KSR2: variants seen among roughly 807,000 people sequenced by gnomAD.
The protein encoded by KSR2 is kinase suppressor of ras 2.
Under a neutral mutation model 107.8 loss-of-function variants are expected in KSR2, and 25 were observed. The observed-to-expected ratio is 0.23, with a 90% CI of 0.17 to 0.32. KSR2 has a LOEUF of 0.32. KSR2 is among the 10% of genes least tolerant of loss of function. The pLI is 1.00. For missense variants in KSR2, 887 were observed against 1,268.9 expected (o/e 0.70, Z 4.57); for synonymous variants, 480 against 507.0 (o/e 0.95, Z 0.71).
At chr12:117,912,838 T>A (rs1322714097) in intron 1 of KSR2, among the ~76,000 whole-genome samples, 1 of 152,152 alleles carries the variant, frequency 6.6e-6, no homozygotes, top group Non-Finnish European at 1.5e-5. Flanking sequence ...TCCGATGTTG[T>A]ATTTTAGGAA....
In KSR2 at chr12:117,491,474, CT is replaced by C. The variant is rs527608197; in HGVS notation, c.2220-5784del. On this transcript the variant is annotated intron_variant, in intron 14 of 19. Coordinates refer to ENST00000339824, the MANE Select transcript of KSR2 (RefSeq NM_173598.6). ...GGATTACAGGCCTGAGCCACTGCCC[CT>C]GGCTGGTATTTGTCTTTTTATGCCT... 5.1e-3 allele frequency among the ~76,000 whole-genome samples: 777 copies of C among 152,360 alleles called. 10 individuals carry two copies. Among genetic ancestry groups the C allele is most frequent in the African/African-American group, 0.017 (723 of 41,590 alleles).
At chr12:117,634,702 T>C (rs11068591) in intron 5 of KSR2, among the ~76,000 whole-genome samples, 25,098 of 152,124 alleles carry the variant, frequency 0.16, 2,157 homozygotes, top group Middle Eastern at 0.24. Flanking sequence ...CTGTTCAGCA[T>C]TCAGAACTCC....
In KSR2 at chr12:117,837,611, TCATGATGGCA is replaced by T. The variant is rs532895570; in HGVS notation, c.472+17807_472+17816del. 2.1e-3 allele frequency among the ~76,000 whole-genome samples: 323 copies of T among 152,234 alleles called. 5 individuals carry two copies. The highest frequency in any genetic ancestry group is 3.8e-4 in the Non-Finnish European group (26 of 68,010). ...CGCTCAGTTCCTCCACCCTACGTGA[TCATGATGGCA>T]CAAGGTCTTTACAAGTGGAGCTTGA... On this transcript the variant is annotated intron_variant, in intron 3 of 19. Coordinates refer to ENST00000339824, the MANE Select transcript of KSR2 (RefSeq NM_173598.6).
chr12:117,595,600 T>C (rs1880598273), intron 5 of KSR2, among the ~76,000 whole-genome samples: 1 of 151,994 alleles, frequency 6.6e-6, no homozygotes, highest in Non-Finnish European at 1.5e-5. Context: ...CCTGACCTCA[T>C]GATCCACCCG....
At chr12:117,863,285 A>G (rs990266341) in intron 1 of KSR2, among the ~76,000 whole-genome samples, 1 of 152,120 alleles carries the variant, frequency 6.6e-6, no homozygotes, top group Admixed American at 6.5e-5. Context: ...CACACCCTAA[A>G]GAGCTGCCAG....
At chr12:117,562,601 G>C (rs1434727145) in intron 7 of KSR2, among the ~76,000 whole-genome samples, 1 of 152,122 alleles carries the variant, frequency 6.6e-6, no homozygotes, top group African/African-American at 2.4e-5. Flanking sequence ...TGAATCAGGA[G>C]CATGCAATTT....
chr12:117,556,795 C>G (rs1462858456), intron 8 of KSR2, among the ~76,000 whole-genome samples: 1 of 152,156 alleles, frequency 6.6e-6, no homozygotes, highest in African/African-American at 2.4e-5. Flanking sequence ...AAGGCTCTGT[C>G]CACCCTATAG....
intron 1 of KSR2, among the ~76,000 whole-genome samples, chr12:117,896,567 C>A (rs1894518563): frequency 6.6e-6 from 1 of 150,424 alleles, no homozygotes; most frequent in Non-Finnish European, 1.5e-5. Flanking sequence ...TGAAGCGATT[C>A]TCCTGCCTCA....
At position 117,528,601 on chromosome 12, in the gene KSR2, A is replaced by C. The variant is rs554118495; in HGVS notation, c.1803-1482T>G. Among the ~76,000 whole-genome samples the C allele has an allele frequency of 1.3e-4, 20 of 152,348 alleles. No individual in the cohort carries two copies. In the South Asian group the frequency reaches 3.9e-3, roughly 30 times the overall value. Reference sequence around the variant, plus strand: ...AAAGAAGGAGAAAGAAAGGTCAACCACAAAGTGGCATTCGCCATGGTATTA... The same window carrying C: ...AAAGAAGGAGAAAGAAAGGTCAACCCCAAAGTGGCATTCGCCATGGTATTA... On this transcript the variant is annotated intron_variant, in intron 12 of 19. Transcript: ENST00000339824.
intron 5 of KSR2, among the ~76,000 whole-genome samples, chr12:117,623,141 T>C (rs564997670): frequency 1.3e-5 from 2 of 152,376 alleles, no homozygotes; most frequent in South Asian, 4.1e-4. Flanking sequence ...GCTTCGCACA[T>C]GGTAGATACC....
At chr12:117,845,284 C>T (rs1892659442) in intron 3 of KSR2, among the ~76,000 whole-genome samples, 1 of 152,168 alleles carries the variant, frequency 6.6e-6, no homozygotes, top group Non-Finnish European at 1.5e-5. Context: ...GACACAGACC[C>T]ACGCAGCCAT....
At chr12:117,726,627 T>C (rs965004636) in intron 4 of KSR2, among the ~76,000 whole-genome samples, 4 of 152,208 alleles carry the variant, frequency 2.6e-5, no homozygotes, top group Non-Finnish European at 1.5e-5. Flanking sequence ...AAATGTTGTC[T>C]AGGGGACAAA....
chr12:117,599,806 C>G (rs983975666), intron 5 of KSR2, among the ~76,000 whole-genome samples: 5 of 152,164 alleles, frequency 3.3e-5, no homozygotes, highest in African/African-American at 1.2e-4. Context: ...TATCTTAAAG[C>G]TCTTAACTGT....
intron 4 of KSR2, among the ~76,000 whole-genome samples, chr12:117,736,427 G>A (rs1887940355): frequency 1.3e-5 from 2 of 152,138 alleles, no homozygotes; most frequent in Admixed American, 1.3e-4. Flanking sequence ...CCCATAATAA[G>A]GACCGAGTAA....
chr12:117,656,991 T>TATATATATAATAGG (rs1884204129), intron 5 of KSR2, among the ~76,000 whole-genome samples: 1 of 107,304 alleles, frequency 9.3e-6, no homozygotes. Context: ...GATATATATA[T>TATATATATAATAGG]ATATATATAT....
At chr12:117,508,931 TGGATG>T (rs1873865981) in intron 14 of KSR2, among the ~76,000 whole-genome samples, 1 of 144,472 alleles carries the variant, frequency 6.9e-6, no homozygotes, top group Non-Finnish European at 1.5e-5. Context: ...GTGGATGGGG[TGGATG>T]GGATGGATGA....
At chr12:117,705,363 G>A (rs1886481601) in intron 4 of KSR2, among the ~76,000 whole-genome samples, 1 of 152,142 alleles carries the variant, frequency 6.6e-6, no homozygotes, top group South Asian at 2.1e-4. Flanking sequence ...TATGCAGCAG[G>A]CCCACTTATT....
At chr12:117,582,217 G>T in intron 6 of KSR2, 73 bp downstream of exon 6, 1 of 1,300,774 alleles carries the variant, frequency 7.7e-7, no homozygotes, top group Non-Finnish European at 1.1e-6. Flanking sequence ...TCTCACCCCA[G>T]GGCAGGGGCC....
intron 7 of KSR2, among the ~76,000 whole-genome samples, chr12:117,570,806 C>T (rs1385070124): frequency 1.3e-5 from 2 of 152,334 alleles, no homozygotes; most frequent in East Asian, 3.9e-4. Flanking sequence ...TTCCTAGAGT[C>T]ACACAGCGAG....
Sources: gnomAD v4.1 joint callset for allele counts (sites outside exome capture counted in the v4.1 genomes callset) on GRCh38, gnomAD v4.1.1 for gene constraint, MANE v1.5 for transcripts, NCBI Gene and HGNC (gene_info 2026-07-23, HGNC 2026-07-21) for gene names.